UBE3C: variants seen among roughly 807,000 people sequenced by gnomAD.
The protein encoded by UBE3C is ubiquitin-protein ligase E3C.
Under a neutral mutation model 129.4 loss-of-function variants are expected in UBE3C, and 42 were observed. The ratio of observed to expected loss-of-function variants is 0.32; its 90% CI spans 0.25 to 0.42. The LOEUF (loss-of-function observed/expected upper bound fraction) is 0.42, where lower values mean the gene tolerates loss of function less well. Among genes scored for constraint, UBE3C ranks in the 10% least tolerant of loss-of-function variants. The probability of loss-of-function intolerance (pLI) is 1.00; values close to 1 mark genes in which losing one functional copy is unlikely to be tolerated. For synonymous variants in UBE3C, 510 were observed against 492.4 expected (o/e 1.04, Z -0.47); for missense variants, 1,049 against 1,319.1 (o/e 0.80, Z 3.17).
chr7:157,190,968 A>G (rs1031258336), intron 10 of UBE3C, among the ~76,000 whole-genome samples: 1 of 152,084 alleles, frequency 6.6e-6, no homozygotes, highest in South Asian at 2.1e-4. Flanking sequence ...GCATGTTCTC[A>G]GGGGCTTGGC....
intron 17 of UBE3C, 104 bp downstream of exon 17, chr7:157,225,643 A>G: frequency 7.6e-7 from 1 of 1,319,044 alleles, no homozygotes; most frequent in Non-Finnish European, 1.0e-6. Context: ...CTTGTTCCAT[A>G]ATGACTTAAA....
At chr7:157,187,586 T>G (rs7800888) in intron 10 of UBE3C, among the ~76,000 whole-genome samples, 2 of 149,702 alleles carry the variant, frequency 1.3e-5, no homozygotes, top group Non-Finnish European at 3.0e-5. Flanking sequence ...TGTTTTTTGT[T>G]TTTTTTTTTG....
intron 16 of UBE3C, 98 bp downstream of exon 16, chr7:157,223,449 T>G: frequency 9.7e-7 from 1 of 1,033,428 alleles, no homozygotes. Flanking sequence ...GCCTAGTGCC[T>G]GGCTGATTAC....
At chr7:157,169,700 T>C (rs575997308) in intron 3 of UBE3C, among the ~76,000 whole-genome samples, 3 of 151,956 alleles carry the variant, frequency 2.0e-5, no homozygotes, top group Admixed American at 1.3e-4. Context: ...TTTTTGTTTT[T>C]TGAGAGAGTC....
chr7:157,254,917 A>G (rs75371354), intron 21 of UBE3C, among the ~76,000 whole-genome samples: 9,823 of 120,810 alleles, frequency 0.081, 471 homozygotes, highest in Non-Finnish European at 0.13. Context: ...CTGCAGTCCC[A>G]GCGTGGTGGC....
intron 17 of UBE3C, among the ~76,000 whole-genome samples, chr7:157,226,708 T>C (rs868140976): frequency 6.7e-6 from 1 of 149,742 alleles, no homozygotes; most frequent in Non-Finnish European, 1.5e-5. Context: ...GTTTCCTTAC[T>C]CTATTTCAAG....
chr7:157,256,806 T>G, intron 21 of UBE3C, 108 bp from the exon 22 acceptor site: 11 of 1,446,130 alleles, frequency 7.6e-6, no homozygotes, highest in South Asian at 1.3e-5. Flanking sequence ...AGAAGGGACT[T>G]GAGGATCCAT....
At chr7:157,207,645 T>C in intron 12 of UBE3C, 58 bp from the exon 13 acceptor site, 2 of 1,593,622 alleles carry the variant, frequency 1.3e-6, no homozygotes, top group South Asian at 1.1e-5. Context: ...TTTAAGTCTT[T>C]CAGTGTGTGT....
chr7:157,202,107 T>C (rs2116988955), intron 11 of UBE3C, among the ~76,000 whole-genome samples: 1 of 152,346 alleles, frequency 6.6e-6, no homozygotes, highest in East Asian at 1.9e-4. Flanking sequence ...CATATGACTT[T>C]ACTCCTCTTT....
chr7:157,200,720 G>A (rs556329596), intron 10 of UBE3C, among the ~76,000 whole-genome samples: 2 of 152,060 alleles, frequency 1.3e-5, no homozygotes, highest in Admixed American at 6.5e-5. Flanking sequence ...CTGCAGCCTT[G>A]AACTCCTGGG....
chr7:157,169,501 G>A lies in UBE3C; in HGVS notation c.195+379G>A, dbSNP rs537938480. On this transcript the variant is annotated intron_variant, in intron 3 of 22. Coordinates refer to ENST00000348165, the MANE Select transcript of UBE3C (RefSeq NM_014671.3). ...AGCAATTCTACTGCCTCAGCCTCCC[G>A]AGTAGCTGGGATTACAGGCATGTGC... Among the ~76,000 whole-genome samples, 7 of 151,768 alleles carry A rather than the reference G, an allele frequency of 4.6e-5. No homozygotes were observed. The South Asian group carries it at 6.2e-4, about 14-fold the overall frequency.
chr7:157,153,767 A>C (rs552897098), intron 1 of UBE3C, among the ~76,000 whole-genome samples: 1 of 152,156 alleles, frequency 6.6e-6, no homozygotes, highest in Admixed American at 6.5e-5. Context: ...CCTTGAGCCC[A>C]GGAGTTCCAG....
chr7:157,260,459 G>A (rs1300328755), intron 22 of UBE3C, among the ~76,000 whole-genome samples: 6 of 152,190 alleles, frequency 3.9e-5, no homozygotes, highest in Non-Finnish European at 7.3e-5. Context: ...TCTCTCGAGC[G>A]CAGGGAAAGC....
intron 18 of UBE3C, among the ~76,000 whole-genome samples, chr7:157,243,042 G>A (rs552907861): frequency 1.3e-5 from 2 of 151,846 alleles, no homozygotes; most frequent in South Asian, 4.2e-4. Flanking sequence ...GTGAAAGAGG[G>A]AAACTCCATC....
intron 13 of UBE3C, among the ~76,000 whole-genome samples, chr7:157,209,327 T>A (rs1160172780): frequency 6.6e-6 from 1 of 152,254 alleles, no homozygotes; most frequent in Non-Finnish European, 1.5e-5. Flanking sequence ...AATACAGTCC[T>A]AATGCATCGT....
intron 14 of UBE3C, among the ~76,000 whole-genome samples, chr7:157,218,287 AT>A (rs886581989): frequency 8.5e-5 from 13 of 152,054 alleles, no homozygotes; most frequent in Admixed American, 3.3e-4. Context: ...CTCTACTAAA[AT>A]AAAAAAATTA....
intron 9 of UBE3C, among the ~76,000 whole-genome samples, chr7:157,185,945 G>A (rs1201340433): frequency 6.6e-6 from 1 of 151,920 alleles, no homozygotes; most frequent in Non-Finnish European, 1.5e-5. Flanking sequence ...AATACCCAAT[G>A]TTATATATAT....
At chr7:157,208,054 A>C (rs370957217) in intron 13 of UBE3C, 119 bp downstream of exon 13, 1 of 114,768 alleles carries the variant, frequency 8.7e-6, no homozygotes, top group Non-Finnish European at 1.8e-5. Context: ...AATTTGCAAG[A>C]CTTTTTTTTT....
rs1244841446 is a variant in UBE3C at position 157,192,499 on chromosome 7, C to T, written c.1331+5478C>T. On this transcript the variant is annotated intron_variant, in intron 10 of 22. Coordinates refer to ENST00000348165, the MANE Select transcript of UBE3C (RefSeq NM_014671.3). ...TTCCTCCTGATCAGCAAAGACTGAT[C>T]TTTGCTGGCAAGCAACTGGAAGATG... 7 of 759,670 alleles carry T rather than the reference C, an allele frequency of 9.2e-6. No individual in the cohort carries two copies. In the Admixed American group the frequency reaches 1.0e-4, roughly 11 times the overall value. The allele number at this position is 759,670 out of a possible 1,614,324, so 47.1% of individuals were successfully genotyped here.
Sources: allele counts gnomAD v4.1 joint callset (sites outside exome capture counted in the v4.1 genomes callset), GRCh38; gene constraint gnomAD v4.1.1; transcripts MANE v1.5; gene names NCBI Gene and HGNC (gene_info 2026-07-23, HGNC 2026-07-21).